The following DAB1 variants were observed in gnomAD, a reference collection of about 807,000 sequenced individuals.
DAB1 encodes the protein disabled homolog 1.
In DAB1, 15 loss-of-function variants were observed where a neutral mutation model predicts 64.6. The ratio of observed to expected loss-of-function variants is 0.23; its 90% CI spans 0.16 to 0.36. DAB1 has a LOEUF of 0.36. Ranked by LOEUF, DAB1 falls within the 10% of genes least tolerant of loss-of-function variation. DAB1 has a pLI of 1.00. For missense variants in DAB1, 596 were observed against 706.7 expected (o/e 0.84, Z 1.78); for synonymous variants, 235 against 251.9 (o/e 0.93, Z 0.64).
intron 4 of DAB1, among the ~76,000 whole-genome samples, chr1:57,083,198 C>G (rs572449235): frequency 1.3e-5 from 2 of 152,146 alleles, no homozygotes; most frequent in African/African-American, 4.8e-5. Context: ...ACCTGAGACA[C>G]AGAAGGGTTA....
intron 1 of DAB1, among the ~76,000 whole-genome samples, chr1:57,423,562 T>G (rs1265232556): frequency 6.6e-6 from 1 of 151,440 alleles, no homozygotes; most frequent in Non-Finnish European, 1.5e-5. Flanking sequence ...AGGTCCGATA[T>G]AGCCAGGACC....
At chr1:57,908,715 C>A (rs1018933342) in intron 5 of DAB1, among the ~76,000 whole-genome samples, 4 of 152,118 alleles carry the variant, frequency 2.6e-5, no homozygotes, top group Non-Finnish European at 5.9e-5. Context: ...GCCTCATAAC[C>A]AGGGTCTGTT....
chr1:58,282,643 A>C (rs545252826), intron 4 of DAB1, among the ~76,000 whole-genome samples: 2 of 151,832 alleles, frequency 1.3e-5, no homozygotes, highest in Non-Finnish European at 2.9e-5. Context: ...AGCAGGCAAT[A>C]GAAGGCACAT....
chr1:58,446,746 A>G (rs1322045302), intron 3 of DAB1, among the ~76,000 whole-genome samples: 1 of 152,206 alleles, frequency 6.6e-6, no homozygotes, highest in Non-Finnish European at 1.5e-5. Flanking sequence ...AATGCCATCC[A>G]TCCTTGTTGT....
At chr1:58,117,843 T>TG (rs1553161044) in intron 5 of DAB1, among the ~76,000 whole-genome samples, 7 of 51,610 alleles carry the variant, frequency 1.4e-4, no homozygotes, top group Non-Finnish European at 2.1e-4. Context: ...TCATGCTTTG[T>TG]TTTTTTTTTT....
intron 3 of DAB1, among the ~76,000 whole-genome samples, chr1:58,458,210 T>C (rs1645209603): frequency 6.6e-6 from 1 of 152,314 alleles, no homozygotes; most frequent in African/African-American, 2.4e-5. Flanking sequence ...AAATGCTCAA[T>C]AGCCACATGT....
chr1:58,362,739 A>G (rs1415049653), intron 3 of DAB1, among the ~76,000 whole-genome samples: 1 of 152,220 alleles, frequency 6.6e-6, no homozygotes, highest in Non-Finnish European at 1.5e-5. Context: ...TGAGGAAAGC[A>G]CATTAGATCT....
intron 4 of DAB1, among the ~76,000 whole-genome samples, chr1:58,314,745 A>G (rs1272406474): frequency 6.6e-6 from 1 of 152,206 alleles, no homozygotes; most frequent in Admixed American, 6.5e-5. Flanking sequence ...TCTAAGCTCC[A>G]TGACAACAGA....
At chr1:58,148,324 C>G (rs539997334) in intron 5 of DAB1, among the ~76,000 whole-genome samples, 1 of 152,298 alleles carries the variant, frequency 6.6e-6, no homozygotes, top group East Asian at 1.9e-4. Context: ...TTGATATTTT[C>G]AGAACACACA....
At chr1:57,241,017 G>T (rs1156381849) in intron 2 of DAB1, among the ~76,000 whole-genome samples, 1 of 152,130 alleles carries the variant, frequency 6.6e-6, no homozygotes, top group Non-Finnish European at 1.5e-5. Context: ...GCATGTATCT[G>T]CACTATACAC....
At chr1:57,832,815 G>C (rs1028749197) in intron 1 of DAB1, among the ~76,000 whole-genome samples, 1 of 152,100 alleles carries the variant, frequency 6.6e-6, no homozygotes, top group Non-Finnish European at 1.5e-5. Context: ...GTTTCCAAGG[G>C]AACAGGGCTC....
At chr1:58,541,794 GATAA>G (rs1244379684) in intron 1 of DAB1, among the ~76,000 whole-genome samples, 1 of 152,046 alleles carries the variant, frequency 6.6e-6, no homozygotes, top group Non-Finnish European at 1.5e-5. Flanking sequence ...ATCTGTTCAT[GATAA>G]ATAAAACTCA....
intron 11 of DAB1, 101 bp downstream of exon 11, chr1:57,023,430 C>T (rs1047221948): frequency 5.7e-6 from 4 of 707,644 alleles, no homozygotes; most frequent in African/African-American, 3.5e-5. Flanking sequence ...CAGGAGAGAA[C>T]AGCAGTGTTT....
chr1:57,496,561 C>G (rs1370537080), intron 7 of DAB1, among the ~76,000 whole-genome samples: 1 of 152,114 alleles, frequency 6.6e-6, no homozygotes, highest in African/African-American at 2.4e-5. Context: ...TGACAGGAGG[C>G]TCTCCTATTG....
chr1:57,381,403 A>C (rs10493218), intron 1 of DAB1, among the ~76,000 whole-genome samples: 17,668 of 152,168 alleles, frequency 0.12, 1,147 homozygotes, highest in Admixed American at 0.15. Context: ...TATAAAGCAT[A>C]AGGCTCTTGA....
At chr1:58,477,903 A>C (rs1645434930) in intron 3 of DAB1, among the ~76,000 whole-genome samples, 1 of 152,168 alleles carries the variant, frequency 6.6e-6, no homozygotes, top group African/African-American at 2.4e-5. Context: ...TGTACCCTTG[A>C]GTAACTTCCA....
intron 1 of DAB1, among the ~76,000 whole-genome samples, chr1:57,391,718 C>A (rs567773): frequency 0.56 from 84,220 of 150,652 alleles, 24,833 homozygotes; most frequent in African/African-American, 0.71. Flanking sequence ...GCAATGTTGC[C>A]CTAATCCATC....
At chr1:57,811,721 C>A (rs911668163) in intron 6 of DAB1, among the ~76,000 whole-genome samples, 2 of 152,156 alleles carry the variant, frequency 1.3e-5, no homozygotes. Flanking sequence ...TTGTTCCCTG[C>A]TCCATCCCTA....
intron 5 of DAB1, among the ~76,000 whole-genome samples, chr1:57,984,243 A>AAT (rs1646149098): frequency 6.7e-6 from 1 of 148,702 alleles, no homozygotes; most frequent in Non-Finnish European, 1.5e-5. Flanking sequence ...AAAGAAAGAA[A>AAT]GAAAGAAAGA....
Sources: gnomAD v4.1 joint callset for allele counts (sites outside exome capture counted in the v4.1 genomes callset) on GRCh38, gnomAD v4.1.1 for gene constraint, MANE v1.5 for transcripts, NCBI Gene and HGNC (gene_info 2026-07-23, HGNC 2026-07-21) for gene names.